Variants in DENND1A observed in about 807,000 individuals in gnomAD.
The protein encoded by DENND1A is DENN domain-containing protein 1A.
A neutral mutation model predicts 113.7 loss-of-function variants in DENND1A; 51 were observed. That is an observed-to-expected ratio of 0.45 (90% CI 0.36 to 0.57). The LOEUF (loss-of-function observed/expected upper bound fraction) is 0.57, where lower values mean the gene tolerates loss of function less well. Among genes scored for constraint, DENND1A ranks in the 20% least tolerant of loss-of-function variants. The pLI, the probability that DENND1A is intolerant of heterozygous loss-of-function variation, is 0.00. For missense variants in DENND1A, 1,258 were observed against 1,395.9 expected, an observed-to-expected ratio of 0.90 and a Z score of 1.57; for synonymous variants, 565 against 570.8, an observed-to-expected ratio of 0.99 and a Z score of 0.14.
At chr9:123,572,139 G>A (rs1266624405) in intron 12 of DENND1A, among the ~76,000 whole-genome samples, 1 of 152,142 alleles carries the variant, frequency 6.6e-6, no homozygotes, top group African/African-American at 2.4e-5. Context: ...AATTTCCCTT[G>A]TTCCACTTTT....
intron 15 of DENND1A, among the ~76,000 whole-genome samples, chr9:123,456,667 G>A (rs1461550632): frequency 7.9e-5 from 12 of 152,134 alleles, no homozygotes; most frequent in Admixed American, 7.9e-4. Flanking sequence ...AAAATTAGCT[G>A]GGCGTGGTGA....
intron 3 of DENND1A, among the ~76,000 whole-genome samples, chr9:123,771,883 GA>G (rs1296899213): frequency 1.3e-5 from 2 of 151,892 alleles, no homozygotes; most frequent in African/African-American, 4.8e-5. Context: ...AGGGGAGGGG[GA>G]AAGGGAATAT....
At chr9:123,566,950 C>T (rs1015487861) in intron 12 of DENND1A, among the ~76,000 whole-genome samples, 1 of 148,336 alleles carries the variant, frequency 6.7e-6, no homozygotes, top group African/African-American at 2.6e-5. Context: ...CAAACACACA[C>T]ACACAATTAA....
At chr9:123,869,071 A>G (rs1017910275) in intron 2 of DENND1A, among the ~76,000 whole-genome samples, 1 of 152,222 alleles carries the variant, frequency 6.6e-6, no homozygotes, top group Non-Finnish European at 1.5e-5. Flanking sequence ...ATTTTCATTT[A>G]TTCTTTAAAC....
At chr9:123,695,631 A>G (rs1351065155) in intron 5 of DENND1A, among the ~76,000 whole-genome samples, 1 of 152,150 alleles carries the variant, frequency 6.6e-6, no homozygotes, top group East Asian at 1.9e-4. Flanking sequence ...TACAATCTCT[A>G]GTTTCAAGGA....
intron 13 of DENND1A, among the ~76,000 whole-genome samples, chr9:123,459,664 G>T (rs2048386093): frequency 6.6e-6 from 1 of 152,118 alleles, no homozygotes; most frequent in Admixed American, 6.6e-5. Flanking sequence ...TGAAAGATCA[G>T]ACTTTCAGAT....
chr9:123,530,845 T>A (rs2055236323), intron 13 of DENND1A, among the ~76,000 whole-genome samples: 1 of 152,152 alleles, frequency 6.6e-6, no homozygotes, highest in African/African-American at 2.4e-5. Context: ...ATTAAGAGAT[T>A]AACAATAATT....
intron 2 of DENND1A, among the ~76,000 whole-genome samples, chr9:123,816,966 A>G (rs1837601337): frequency 6.6e-6 from 1 of 152,174 alleles, no homozygotes; most frequent in Non-Finnish European, 1.5e-5. Flanking sequence ...GTAGACAGCT[A>G]ACTAGTCTCT....
intron 3 of DENND1A, among the ~76,000 whole-genome samples, chr9:123,791,757 T>C (rs1488100056): frequency 6.6e-6 from 1 of 152,200 alleles, no homozygotes; most frequent in Non-Finnish European, 1.5e-5. Flanking sequence ...TTACTGTATA[T>C]GGTATTTCAC....
intron 13 of DENND1A, among the ~76,000 whole-genome samples, chr9:123,505,574 C>T (rs769103779): frequency 3.3e-5 from 5 of 152,128 alleles, no homozygotes; most frequent in Non-Finnish European, 5.9e-5. Context: ...CCCTTAAAGG[C>T]AACAATATGT....
intron 5 of DENND1A, among the ~76,000 whole-genome samples, chr9:123,705,056 G>A (rs975291710): frequency 1.0e-4 from 14 of 136,888 alleles, no homozygotes; most frequent in African/African-American, 1.3e-4. Context: ...GAAATCCCAC[G>A]CAAGATGAAT....
intron 2 of DENND1A, among the ~76,000 whole-genome samples, chr9:123,816,735 A>G (rs914981024): frequency 1.3e-5 from 2 of 152,244 alleles, no homozygotes; most frequent in African/African-American, 4.8e-5. Context: ...TTTTGAATTC[A>G]CAAAACTCTG....
chr9:123,867,894 G>A (rs114475355), intron 2 of DENND1A, among the ~76,000 whole-genome samples: 114 of 152,282 alleles, frequency 7.5e-4, no homozygotes, highest in African/African-American at 2.7e-3. Context: ...TTAAACTGAT[G>A]GAACATAAGC....
chr9:123,779,014 CA>C (rs1464474203), intron 3 of DENND1A, among the ~76,000 whole-genome samples: 2 of 152,160 alleles, frequency 1.3e-5, no homozygotes, highest in Non-Finnish European at 2.9e-5. Flanking sequence ...CCAAAACTCA[CA>C]ACTGTTTTGT....
At chr9:123,913,899 C>CA (rs539054836) in intron 1 of DENND1A, among the ~76,000 whole-genome samples, 6,969 of 108,078 alleles carry the variant, frequency 0.064, 637 homozygotes, top group African/African-American at 0.22. Context: ...ACTCCTATCT[C>CA]AAAAAAAAAA....
intron 5 of DENND1A, among the ~76,000 whole-genome samples, chr9:123,728,565 C>T (rs941768538): frequency 7.1e-6 from 1 of 141,640 alleles, no homozygotes; most frequent in Admixed American, 7.2e-5. Context: ...CAATGTCAAA[C>T]CAAATCACAG....
intron 5 of DENND1A, among the ~76,000 whole-genome samples, chr9:123,728,506 A>AAAAAAC (rs1564150268): frequency 3.4e-5 from 5 of 145,904 alleles, no homozygotes; most frequent in African/African-American, 1.3e-4. Context: ...AAAAAAAAAA[A>AAAAAAC]AAAACAGGCA....
chr9:123,719,222 A>C (rs1319266337), intron 5 of DENND1A, among the ~76,000 whole-genome samples: 2 of 152,184 alleles, frequency 1.3e-5, no homozygotes, highest in Admixed American at 6.5e-5. Context: ...ACGTTATCCC[A>C]AGTTTTCGTA....
chr9:123,630,891 A>C (rs900934176), intron 9 of DENND1A, among the ~76,000 whole-genome samples: 2 of 152,216 alleles, frequency 1.3e-5, no homozygotes, highest in African/African-American at 4.8e-5. Context: ...TATTCTTAGA[A>C]AAAGATATCT....
Sources: gnomAD v4.1 joint callset for allele counts (sites outside exome capture counted in the v4.1 genomes callset) on GRCh38, gnomAD v4.1.1 for gene constraint, MANE v1.5 for transcripts, NCBI Gene and HGNC (gene_info 2026-07-23, HGNC 2026-07-21) for gene names.